Variants in CADM2 observed in about 807,000 individuals in gnomAD.
The protein encoded by CADM2 is immunoglobulin superfamily member 4D.
A neutral mutation model predicts 49.8 loss-of-function variants in CADM2; 12 were observed. The ratio of observed to expected loss-of-function variants is 0.24; its 90% CI spans 0.15 to 0.39. CADM2 has a LOEUF of 0.39. CADM2 is among the 10% of genes least tolerant of loss of function. CADM2 has a pLI of 1.00. For missense variants in CADM2, 378 were observed against 492.3 expected, an observed-to-expected ratio of 0.77 and a Z score of 2.20; for synonymous variants, 214 against 175.4, an observed-to-expected ratio of 1.22 and a Z score of -1.74.
chr3:85,186,932 G>A (rs921230816), intron 1 of CADM2, among the ~76,000 whole-genome samples: 2 of 152,162 alleles, frequency 1.3e-5, no homozygotes, highest in Non-Finnish European at 2.9e-5. Flanking sequence ...AAATGCTGTC[G>A]TTAATATTTC....
intron 1 of CADM2, among the ~76,000 whole-genome samples, chr3:85,494,838 T>C (rs1289879735): frequency 6.6e-6 from 1 of 152,174 alleles, no homozygotes; most frequent in African/African-American, 2.4e-5. Flanking sequence ...CTAGGGAAAA[T>C]GCATTGCTGT....
chr3:85,547,714 A>G (rs1176177441), intron 1 of CADM2, among the ~76,000 whole-genome samples: 2 of 152,202 alleles, frequency 1.3e-5, no homozygotes, highest in Non-Finnish European at 2.9e-5. Flanking sequence ...ATGAAGTTGA[A>G]TCTCCACTTT....
intron 1 of CADM2, among the ~76,000 whole-genome samples, chr3:85,160,058 A>G (rs2107665577): frequency 6.6e-6 from 1 of 152,312 alleles, no homozygotes; most frequent in Middle Eastern, 3.4e-3. Context: ...ATACATACAT[A>G]CAGAGATAAA....
chr3:85,347,995 G>C (rs139341546), intron 1 of CADM2, among the ~76,000 whole-genome samples: 1 of 151,978 alleles, frequency 6.6e-6, no homozygotes, highest in African/African-American at 2.4e-5. Context: ...TTTTGATAGA[G>C]ACAGGTTTTC....
chr3:85,189,950 ATTTTTT>A (rs141488458), intron 1 of CADM2, among the ~76,000 whole-genome samples: 32 of 71,054 alleles, frequency 4.5e-4, no homozygotes, highest in African/African-American at 1.4e-3. Context: ...GGTCTCCCTC[ATTTTTT>A]TTTTTTTTTT....
intron 1 of CADM2, among the ~76,000 whole-genome samples, chr3:85,212,816 TTCTTTCTTTC>T (rs2041812178): frequency 2.8e-5 from 1 of 35,886 alleles, no homozygotes; most frequent in Admixed American, 3.5e-4. Context: ...TTTCTTCTCT[TTCTTTCTTTC>T]TTTCTTTCTT....
chr3:85,737,584 G>GT (rs1202995856), intron 2 of CADM2, among the ~76,000 whole-genome samples: 1 of 148,310 alleles, frequency 6.7e-6, no homozygotes, highest in African/African-American at 2.5e-5. Flanking sequence ...TTGAGACGGA[G>GT]TTTCTCTCTG....
At chr3:85,718,005 G>A (rs2067359090) in intron 1 of CADM2, among the ~76,000 whole-genome samples, 2 of 152,094 alleles carry the variant, frequency 1.3e-5, no homozygotes, top group Admixed American at 1.3e-4. Flanking sequence ...CCTCACTTCA[G>A]GTGATCTGCC....
At chr3:85,323,953 C>T (rs565850294) in intron 1 of CADM2, among the ~76,000 whole-genome samples, 40 of 152,230 alleles carry the variant, frequency 2.6e-4, no homozygotes, top group African/African-American at 8.7e-4. Flanking sequence ...GGGCACCTTA[C>T]GAATCAATTA....
chr3:86,016,570 C>T (rs1732259949), intron 8 of CADM2, among the ~76,000 whole-genome samples: 1 of 152,072 alleles, frequency 6.6e-6, no homozygotes, highest in South Asian at 2.1e-4. Context: ...AAAGCTAGCA[C>T]AAATTTTGTT....
chr3:85,981,455 C>A (rs2108671646), intron 8 of CADM2, among the ~76,000 whole-genome samples: 1 of 151,514 alleles, frequency 6.6e-6, no homozygotes, highest in South Asian at 2.1e-4. Flanking sequence ...TTTTGTCTCC[C>A]AGGTAGTAAG....
At chr3:85,917,016 GT>G (rs922043636) in intron 6 of CADM2, among the ~76,000 whole-genome samples, 69 of 150,512 alleles carry the variant, frequency 4.6e-4, no homozygotes, top group East Asian at 3.1e-3. Flanking sequence ...TTTTGATGGG[GT>G]TTTTTTTTAT....
At chr3:85,347,816 T>TGG (rs1559792802) in intron 1 of CADM2, among the ~76,000 whole-genome samples, 1 of 132,242 alleles carries the variant, frequency 7.6e-6, no homozygotes, top group East Asian at 2.5e-4. Flanking sequence ...AGTTTTTTGT[T>TGG]TTTTTTTTTA....
intron 1 of CADM2, among the ~76,000 whole-genome samples, chr3:85,212,684 TA>T (rs897929794): frequency 8.5e-5 from 13 of 152,112 alleles, no homozygotes; most frequent in Middle Eastern, 6.8e-3. Context: ...TTGATATGTT[TA>T]TCTTTTAGAA....
intron 1 of CADM2, among the ~76,000 whole-genome samples, chr3:85,215,358 T>TTA (rs2041895839): frequency 1.2e-5 from 1 of 80,946 alleles, no homozygotes; most frequent in South Asian, 5.1e-4. Flanking sequence ...CTCTCTTTTT[T>TTA]AAAAAAAAAA....
At chr3:85,776,102 A>G (rs2070346448) in intron 2 of CADM2, among the ~76,000 whole-genome samples, 1 of 151,868 alleles carries the variant, frequency 6.6e-6, no homozygotes, top group Non-Finnish European at 1.5e-5. Flanking sequence ...TTTTCATAGT[A>G]AAACCATAAT....
At chr3:85,799,344 G>T (rs2071842463) in intron 2 of CADM2, among the ~76,000 whole-genome samples, 1 of 152,138 alleles carries the variant, frequency 6.6e-6, no homozygotes, top group African/African-American at 2.4e-5. Context: ...TCCTTGTCTT[G>T]TGCCAGTTTT....
chr3:86,014,074 A>G (rs1303779279), intron 8 of CADM2: 1 of 1,297,890 alleles, frequency 7.7e-7, no homozygotes, highest in African/African-American at 1.5e-5. Context: ...CACAACGGTT[A>G]AGAAAGGGGT....
intron 1 of CADM2, among the ~76,000 whole-genome samples, chr3:84,992,722 A>G (rs1049730801): frequency 6.6e-6 from 1 of 152,194 alleles, no homozygotes; most frequent in Non-Finnish European, 1.5e-5. Context: ...AAATCGTATT[A>G]TAAAGAGTGC....
Sources: allele counts gnomAD v4.1 joint callset (sites outside exome capture counted in the v4.1 genomes callset), GRCh38; gene constraint gnomAD v4.1.1; transcripts MANE v1.5; gene names NCBI Gene and HGNC (gene_info 2026-07-23, HGNC 2026-07-21).